Variants in FSTL5 observed in about 807,000 individuals in gnomAD.
FSTL5 encodes follistatin-related protein 5.
In FSTL5, 62 loss-of-function variants were observed where a neutral mutation model predicts 89.1. The observed-to-expected ratio is 0.70, with a 90% confidence interval of 0.57 to 0.86. The LOEUF (loss-of-function observed/expected upper bound fraction) is 0.86. Among genes scored for constraint, FSTL5 ranks in the 40% least tolerant of loss-of-function variants. FSTL5 has a pLI of 0.00. For synonymous variants in FSTL5, 383 were observed against 346.2 expected, an observed-to-expected ratio of 1.11 and a Z score of -1.18; for missense variants, 1,057 against 1,001.6, an observed-to-expected ratio of 1.06 and a Z score of -0.75.
rs1390985122 is a variant in FSTL5, at chr4:161,527,413, G to T, written c.1312+10753C>A. Among the ~76,000 whole-genome samples, 51 of 145,826 alleles carry T rather than the reference G, an allele frequency of 3.5e-4. 1 individual carries two copies. In the East Asian group the frequency reaches 9.0e-3, roughly 26 times the overall value. On this transcript the variant is annotated intron_variant, in intron 10 of 15. Coordinates refer to ENST00000306100, the MANE Select transcript of FSTL5 (RefSeq NM_020116.5). ...CTACTCATCTGACAAAGGGCTAATA[G>T]CCAGAATCTACAATGAACTCAAACA...
At chr4:161,881,173 TTAATATTAATATATTTAACATTTTAA>T (rs1479994449) in intron 4 of FSTL5, among the ~76,000 whole-genome samples, 1 of 148,968 alleles carries the variant, frequency 6.7e-6, no homozygotes, top group East Asian at 1.9e-4. Flanking sequence ...TATTTTAATA[TTAATATTAATATATTTAACATTTTAA>T]TAATATTAAT....
At chr4:161,407,570 A>T (rs955685845) in intron 15 of FSTL5, among the ~76,000 whole-genome samples, 19 of 146,764 alleles carry the variant, frequency 1.3e-4, no homozygotes, top group African/African-American at 4.5e-4. Flanking sequence ...CAGGGACCCC[A>T]TACCCCCACA....
chr4:161,660,368 A>G (rs1315049960), intron 6 of FSTL5, among the ~76,000 whole-genome samples: 1 of 152,230 alleles, frequency 6.6e-6, no homozygotes, highest in Non-Finnish European at 1.5e-5. Context: ...AGTATAGTTT[A>G]GTACAACTTG....
chr4:161,940,150 G>T (rs1309335905), intron 3 of FSTL5, among the ~76,000 whole-genome samples: 1 of 151,614 alleles, frequency 6.6e-6, no homozygotes, highest in African/African-American at 2.4e-5. Context: ...CAATAACTGA[G>T]AATTATTTTC....
rs754643746 is a variant in FSTL5, at chr4:161,386,157, C to G, written c.2134G>C (p.Val712Leu). 13 of 1,613,880 alleles carry G rather than the reference C, an allele frequency of 8.1e-6. No individual in the cohort carries two copies. Among genetic ancestry groups the G allele is most frequent in the Non-Finnish European group, 1.1e-5 (13 of 1,179,982 alleles). The change falls in exon 16 of 16, where the codon GTG becomes CTG. Residue 712 changes from valine (V) to leucine (L), a missense_variant. Coordinates refer to ENST00000306100, the MANE Select transcript of FSTL5 (RefSeq NM_020116.5). ...DGHYLVSIND[V>L]KGLVRVQYIT... ...TACTGAACCCTTACAAGACCTTTCA[C>G]ATCATTAATGCTGACAAGGTAGTGG...
intron 12 of FSTL5, among the ~76,000 whole-genome samples, chr4:161,491,044 T>A (rs1729854588): frequency 6.6e-6 from 1 of 151,982 alleles, no homozygotes; most frequent in African/African-American, 2.4e-5. Context: ...CTTTGTCCAT[T>A]ACATTTATAA....
chr4:161,653,737 A>G (rs1736416413), intron 7 of FSTL5, among the ~76,000 whole-genome samples: 1 of 152,196 alleles, frequency 6.6e-6, no homozygotes, highest in Non-Finnish European at 1.5e-5. Flanking sequence ...TTACATAGTC[A>G]TATCGATAAA....
intron 3 of FSTL5, among the ~76,000 whole-genome samples, chr4:161,980,542 C>T (rs1336081747): frequency 1.3e-5 from 2 of 151,636 alleles, no homozygotes; most frequent in South Asian, 4.2e-4. Flanking sequence ...TTTTCATATT[C>T]TCTTTCTTCC....
chr4:161,665,255 A>C (rs1453283920), intron 6 of FSTL5, among the ~76,000 whole-genome samples: 1 of 151,816 alleles, frequency 6.6e-6, no homozygotes, highest in Non-Finnish European at 1.5e-5. Context: ...TTGTTGTTTT[A>C]TTTTGAGACA....
intron 4 of FSTL5, among the ~76,000 whole-genome samples, chr4:161,851,735 C>T (rs1326236941): frequency 8.7e-6 from 1 of 114,358 alleles, no homozygotes; most frequent in East Asian, 2.6e-4. Flanking sequence ...GATATTTCCT[C>T]TATTATTTAG....
chr4:161,519,467 A>C (rs1009065088), intron 10 of FSTL5, among the ~76,000 whole-genome samples: 1 of 152,136 alleles, frequency 6.6e-6, no homozygotes, highest in African/African-American at 2.4e-5. Flanking sequence ...TGGAGCTTGC[A>C]GTGAGCCGAG....
intron 3 of FSTL5, among the ~76,000 whole-genome samples, chr4:161,993,265 T>TA (rs1198897702): frequency 3.9e-5 from 6 of 151,920 alleles, no homozygotes; most frequent in Non-Finnish European, 8.8e-5. Context: ...TGCTCCATTT[T>TA]AAAAATGACA....
At chr4:161,673,619 A>T (rs1222118311) in intron 6 of FSTL5, among the ~76,000 whole-genome samples, 1 of 152,036 alleles carries the variant, frequency 6.6e-6, no homozygotes, top group African/African-American at 2.4e-5. Context: ...CTAGCCTCTG[A>T]CACTATATTA....
At chr4:162,105,130 T>C (rs958651621) in intron 2 of FSTL5, among the ~76,000 whole-genome samples, 1 of 152,190 alleles carries the variant, frequency 6.6e-6, no homozygotes, top group Admixed American at 6.5e-5. Flanking sequence ...AATGTACAAC[T>C]TGATGTTTCA....
At position 161,943,675 on chromosome 4, in the gene FSTL5, C is replaced by G. The variant is rs1734657249; in HGVS notation, c.161-23023G>C. Among the ~76,000 whole-genome samples the G allele has an allele frequency of 4.0e-5, 6 of 150,496 alleles. No homozygotes were observed. In the South Asian group the frequency reaches 1.3e-3, roughly 32 times the overall value. On this transcript the variant is annotated intron_variant, in intron 3 of 15. Coordinates refer to ENST00000306100, the MANE Select transcript of FSTL5 (RefSeq NM_020116.5). ...GGTTCATGCCATTCTCCTGCCTCAGCCTCCCGAGTAGCTGGGACTACAGGC... is the reference window on the plus strand; with the variant it reads ...GGTTCATGCCATTCTCCTGCCTCAGGCTCCCGAGTAGCTGGGACTACAGGC...
intron 3 of FSTL5, among the ~76,000 whole-genome samples, chr4:161,986,704 C>G (rs1019394109): frequency 2.0e-5 from 3 of 152,030 alleles, no homozygotes; most frequent in African/African-American, 7.2e-5. Flanking sequence ...CCAATTTTTT[C>G]ACCTTGTGAA....
At position 161,770,345 on chromosome 4, in the gene FSTL5, A is replaced by G. The variant is rs78332311; in HGVS notation, c.606+5533T>C. Reference sequence around the variant, plus strand: ...ATTGTACATTTTCCGCAACTAGAAGAATTTAATTGAATTGCTTGTAGCAAA... The same window carrying G: ...ATTGTACATTTTCCGCAACTAGAAGGATTTAATTGAATTGCTTGTAGCAAA... On this transcript the variant is annotated intron_variant, in intron 5 of 15. Coordinates refer to ENST00000306100, the MANE Select transcript of FSTL5 (RefSeq NM_020116.5). Among the ~76,000 whole-genome samples, 303 of 152,062 alleles carry G rather than the reference A, an allele frequency of 2.0e-3. 1 individual carries two copies. The highest frequency in any genetic ancestry group is 3.6e-3 in the Non-Finnish European group (243 of 67,880).
intron 6 of FSTL5, among the ~76,000 whole-genome samples, chr4:161,682,440 C>T (rs2085350776): frequency 6.6e-6 from 1 of 152,164 alleles, no homozygotes; most frequent in South Asian, 2.1e-4. Context: ...CATTGTACAG[C>T]TGCACAACCA....
intron 6 of FSTL5, among the ~76,000 whole-genome samples, chr4:161,664,640 C>T (rs1736824050): frequency 6.6e-6 from 1 of 152,138 alleles, no homozygotes; most frequent in African/African-American, 2.4e-5. Context: ...TGTCTGAGAC[C>T]TCCAAACTGT....
Sources: gnomAD v4.1 joint callset for allele counts (sites outside exome capture counted in the v4.1 genomes callset) on GRCh38, gnomAD v4.1.1 for gene constraint, MANE v1.5 for transcripts, NCBI Gene and HGNC (gene_info 2026-07-23, HGNC 2026-07-21) for gene names.